HSPH1: variants seen among roughly 807,000 people sequenced by gnomAD.
HSPH1 encodes the protein heat shock protein family H (Hsp110) member 1, also known as heat shock protein 105 kDa.
Under a neutral mutation model 100.0 loss-of-function variants are expected in HSPH1, and 40 were observed. The ratio of observed to expected loss-of-function variants is 0.40; its 90% CI spans 0.31 to 0.52. The LOEUF is 0.52. HSPH1 is among the 20% of genes least tolerant of loss of function. The probability of loss-of-function intolerance (pLI) is 0.54; values close to 1 mark genes in which losing one functional copy is unlikely to be tolerated. For synonymous variants in HSPH1, 403 were observed against 344.0 expected (o/e 1.17, Z -1.90); for missense variants, 876 against 1,015.1 (o/e 0.86, Z 1.86).
intron 13 of HSPH1, 146 bp downstream of exon 13, chr13:31,140,976 G>A (rs747490625): frequency 1.7e-5 from 8 of 481,400 alleles, no homozygotes; most frequent in African/African-American, 2.0e-5. Context: ...TGCAAAATTC[G>A]TTAGTTTTGT....
At position 31,161,818 on chromosome 13, in the gene HSPH1, A is replaced by G. The variant is rs1337701505; in HGVS notation, c.-236T>C. ...GAAACCCTGGGAGAAAGCGGGGCTCAGCCTCCGCAGGTCGCTCCGCACCTC... is the reference window on the plus strand; with the variant it reads ...GAAACCCTGGGAGAAAGCGGGGCTCGGCCTCCGCAGGTCGCTCCGCACCTC... On this transcript the variant is annotated 5_prime_UTR_variant, in exon 1 of 18. Coordinates refer to ENST00000320027, the MANE Select transcript of HSPH1 (RefSeq NM_006644.4). 1.4e-6 allele frequency: 2 copies of G among 1,478,200 alleles called. No individual in the cohort carries two copies. The highest frequency in any genetic ancestry group is 1.8e-6 in the Non-Finnish European group (2 of 1,115,898). The allele number at this position is 1,478,200 out of a possible 1,614,324, so 91.6% of individuals were successfully genotyped here.
intron 1 of HSPH1, among the ~76,000 whole-genome samples, chr13:31,159,290 C>T (rs1315858357): frequency 6.6e-6 from 1 of 152,186 alleles, no homozygotes; most frequent in East Asian, 1.9e-4. Flanking sequence ...GATATACCAC[C>T]GGCTTCTTTA....
chr13:31,151,540 G>C, intron 6 of HSPH1, 69 bp downstream of exon 6: 1 of 1,410,344 alleles, frequency 7.1e-7, no homozygotes, highest in Non-Finnish European at 9.6e-7. Flanking sequence ...GCCTAGTAAA[G>C]AGGCTCAGTA....
intron 3 of HSPH1, among the ~76,000 whole-genome samples, chr13:31,154,971 ACTT>A (rs1956628915): frequency 6.6e-6 from 1 of 152,130 alleles, no homozygotes; most frequent in African/African-American, 2.4e-5. Context: ...GGAAGAAAGA[ACTT>A]CTACCTAAAG....
At position 31,151,680 on chromosome 13, in the gene HSPH1, C is replaced by T; in HGVS notation, c.592G>A (p.Val198Met). The T allele has an allele frequency of 1.2e-6, 2 of 1,612,996 alleles. No individual in the cohort carries two copies. The highest frequency in any genetic ancestry group is 1.7e-6 in the Non-Finnish European group (2 of 1,179,382). The change falls in exon 6 of 18, where the codon GTG becomes ATG. Residue 198 changes from valine (V) to methionine (M), a missense_variant. Physicochemically the swap from Val to Met is conservative, Grantham distance 21. Coordinates refer to ENST00000320027, the MANE Select transcript of HSPH1 (RefSeq NM_006644.4). Reference sequence around the variant, plus strand: ...GAATGTCCCATATCAACAAAAACCACTATCCGAGGTTTCTCATCCAGGCTT... The same window carrying T: ...GAATGTCCCATATCAACAAAAACCATTATCCGAGGTTTCTCATCCAGGCTT... ...LPSLDEKPRI[V>M]VFVDMGHSAF... is the part of the protein sequence containing the mutation.
chr13:31,156,564 C>A (rs1288265302), intron 2 of HSPH1, among the ~76,000 whole-genome samples: 162 of 142,600 alleles, frequency 1.1e-3, no homozygotes, highest in African/African-American at 1.1e-3. Flanking sequence ...AACTCATTCT[C>A]AAAAAAAAAA....
rs1565993680 is a variant in HSPH1, at chr13:31,138,567, T to C, written c.2210A>G (p.Asp737Gly). 1 of 1,603,456 alleles carries C rather than the reference T, an allele frequency of 6.2e-7. No individual in the cohort carries two copies. Among genetic ancestry groups the C allele is most frequent in the Non-Finnish European group, 8.5e-7 (1 of 1,175,876 alleles). The change falls in exon 17 of 18, where the codon GAT (aspartate) becomes GGT (glycine). Residue 737 changes from aspartate (D) to glycine (G), a missense_variant and splice_region_variant. By Grantham distance (94) the Asp-to-Gly change is moderately conservative. Transcript: ENST00000320027. Reference protein sequence around the residue: ...AKIAADFRNKDEKYNHIDESE... With the variant: ...AKIAADFRNKGEKYNHIDESE... ...CTCATCAATATGGTTGTATTTCTCA[T>C]CCTGAACAAAAATAACACGGTCATT... is the stretch of plus-strand genomic sequence containing the variant.
At chr13:31,147,845 G>T in intron 10 of HSPH1, 114 bp downstream of exon 10, 1 of 856,936 alleles carries the variant, frequency 1.2e-6, no homozygotes, top group Non-Finnish European at 1.7e-6. Context: ...TCTTCACACA[G>T]AATTATGTTC....
intron 10 of HSPH1, 81 bp downstream of exon 10, chr13:31,147,878 G>C (rs560978238): frequency 1.5e-5 from 18 of 1,234,526 alleles, no homozygotes; most frequent in Non-Finnish European, 2.0e-5. Flanking sequence ...CTAAGAATAA[G>C]ACAACTTTTA....
At position 31,137,303 on chromosome 13, in the gene HSPH1, C is replaced by A; in HGVS notation, c.*15G>T. The A allele has an allele frequency of 2.0e-6, 3 of 1,503,650 alleles. No homozygotes were observed. The highest frequency in any genetic ancestry group is 2.8e-6 in the Non-Finnish European group (3 of 1,088,384). The allele number at this position is 1,503,650 out of a possible 1,614,324, so 93.1% of individuals were successfully genotyped here. A position where few individuals can be genotyped will look rare whatever the true frequency, so the allele number is the denominator to read the frequency against. ...ATATTTTATTAATTGAAGGAATAGG[C>A]CAATTTAAGGTTATCTAGTCCAAGT... On this transcript the variant is annotated 3_prime_UTR_variant, in exon 18 of 18. Coordinates refer to ENST00000320027, the MANE Select transcript of HSPH1 (RefSeq NM_006644.4).
At position 31,161,463 on chromosome 13, in the gene HSPH1, G is replaced by A. The variant is rs376292199; in HGVS notation, c.107+13C>T. 5.0e-6 allele frequency: 8 copies of A among 1,613,796 alleles called. No homozygotes were observed. The highest frequency in any genetic ancestry group is 1.6e-4 in the Middle Eastern group (1 of 6,084). ...GAACCTCCTCCCATCCACCCTCGCA[G>A]ACTCCCACTTACGGGGTGCACCGGT... On this transcript the variant is annotated intron_variant, in intron 1 of 17. Coordinates refer to ENST00000320027, the MANE Select transcript of HSPH1 (RefSeq NM_006644.4).
rs1390251109 is a variant in HSPH1 at position 31,136,741 on chromosome 13, A to T, written c.*577T>A. 1 of 171,754 alleles carries T rather than the reference A, an allele frequency of 5.8e-6. No homozygotes were observed. Among genetic ancestry groups the T allele is most frequent in the Non-Finnish European group, 1.2e-5 (1 of 80,830 alleles). The allele number at this position is 171,754 out of a possible 1,614,324, so 10.6% of individuals were successfully genotyped here. A position where few individuals can be genotyped will look rare whatever the true frequency, so the allele number is the denominator to read the frequency against. The stretch of plus-strand genomic sequence containing the variant: ...ACACTTTCACATGACAATATACTGT[A>T]TAGTGAGAGAGAAAGTTTAAAGTTT... On this transcript the variant is annotated 3_prime_UTR_variant, in exon 18 of 18. Transcript: ENST00000320027.
At chr13:31,148,604 A>G (rs1956362799) in intron 8 of HSPH1, 124 bp from the exon 9 acceptor site, 1 of 495,568 alleles carries the variant, frequency 2.0e-6, no homozygotes, top group African/African-American at 2.0e-5. Context: ...CTCACATTCC[A>G]GAATTGTTTC....
chr13:31,141,119 T>G lies in HSPH1; in HGVS notation c.1854+3A>C, dbSNP rs1441447031. On this transcript the variant is annotated splice_donor_region_variant and intron_variant, in intron 13 of 17. Transcript: ENST00000320027. ...AATAAAAATATTTAATTGAAGTACT[T>G]ACCTCTGTCTCAATATACATGTTAA... 6.4e-7 allele frequency: 1 copy of G among 1,561,972 alleles called. No individual in the cohort carries two copies. The highest frequency in any genetic ancestry group is 8.7e-7 in the Non-Finnish European group (1 of 1,151,356).
chr13:31,145,258 A>G (rs1207799072), intron 11 of HSPH1, among the ~76,000 whole-genome samples: 1 of 152,188 alleles, frequency 6.6e-6, no homozygotes, highest in Admixed American at 6.5e-5. Flanking sequence ...GTCAGTCAAC[A>G]TTCGACTTCT....
At chr13:31,154,312 G>A (rs1302523555) in intron 4 of HSPH1, 3 of 357,306 alleles carry the variant, frequency 8.4e-6, no homozygotes, top group East Asian at 6.6e-5. Flanking sequence ...TTTCACCTGT[G>A]AAAAGCTCCT....
intron 10 of HSPH1, among the ~76,000 whole-genome samples, chr13:31,146,200 A>T (rs1956260585): frequency 6.6e-6 from 1 of 152,190 alleles, no homozygotes; most frequent in Non-Finnish European, 1.5e-5. Context: ...GGCTAAAAAA[A>T]TAACACTTGA....
At chr13:31,138,312 G>T in intron 17 of HSPH1, 95 bp downstream of exon 17, 1 of 1,174,978 alleles carries the variant, frequency 8.5e-7, no homozygotes, top group Non-Finnish European at 1.2e-6. Flanking sequence ...TGAGGTAAAA[G>T]ATTTACAGGA....
chr13:31,147,644 T>A (rs1185255101), intron 10 of HSPH1, among the ~76,000 whole-genome samples: 1 of 152,064 alleles, frequency 6.6e-6, no homozygotes, highest in Non-Finnish European at 1.5e-5. Context: ...GCACGGATAA[T>A]CCTTTATATA....
Sources: gnomAD v4.1 joint callset for allele counts (sites outside exome capture counted in the v4.1 genomes callset) on GRCh38, gnomAD v4.1.1 for gene constraint, MANE v1.5 for transcripts, NCBI Gene and HGNC (gene_info 2026-07-23, HGNC 2026-07-21) for gene names.